The following SLC25A23 variants were observed in gnomAD, a reference collection of about 807,000 sequenced individuals.
SLC25A23 encodes mitochondrial adenyl nucleotide antiporter SLC25A23.
Under a neutral mutation model 53.9 loss-of-function variants are expected in SLC25A23, and 32 were observed. The ratio of observed to expected loss-of-function variants is 0.59; its 90% CI spans 0.45 to 0.80. The LOEUF (loss-of-function observed/expected upper bound fraction) is 0.80, where lower values mean the gene tolerates loss of function less well. Ranked by LOEUF, SLC25A23 falls within the 30% of genes least tolerant of loss-of-function variation. The pLI, the probability that SLC25A23 is intolerant of heterozygous loss-of-function variation, is 0.00. For missense variants in SLC25A23, 575 were observed against 651.4 expected, an observed-to-expected ratio of 0.88 and a Z score of 1.28; for synonymous variants, 275 against 264.5, an observed-to-expected ratio of 1.04 and a Z score of -0.38.
rs970237815 is a variant in SLC25A23, at chr19:6,444,029, A to C, written c.1222+122T>G. 6.5e-6 allele frequency: 7 copies of C among 1,075,154 alleles called. No individual in the cohort carries two copies. The African/African-American group carries it at 1.1e-4, about 17-fold the overall frequency. The allele number at this position is 1,075,154 out of a possible 1,614,324, so 66.6% of individuals were successfully genotyped here. A position where few individuals can be genotyped will look rare whatever the true frequency, so the allele number is the denominator to read the frequency against. On this transcript the variant is annotated intron_variant, in intron 9 of 9. Transcript: ENST00000301454. ...TCCCATTTCAATGTCACAAATGGGG[A>C]AACGGAGGCCCAGAGAAGCCCATCG...
At chr19:6,458,166 T>G (rs377420050) in intron 2 of SLC25A23, 32 bp downstream of exon 2, 2 of 1,610,116 alleles carry the variant, frequency 1.2e-6, no homozygotes, top group Non-Finnish European at 1.7e-6. Flanking sequence ...GCCCTATCCC[T>G]TGGGGCCTGC....
chr19:6,456,048 A>C (rs777996420), intron 4 of SLC25A23: 12 of 1,320,808 alleles, frequency 9.1e-6, no homozygotes, highest in Non-Finnish European at 9.9e-7. Flanking sequence ...GATTCTGTTC[A>C]GCCGTAGAAT....
At chr19:6,451,035 G>A (rs2092580519) in intron 8 of SLC25A23, among the ~76,000 whole-genome samples, 1 of 150,662 alleles carries the variant, frequency 6.6e-6, no homozygotes, top group Non-Finnish European at 1.5e-5. Context: ...CCGAGATCGC[G>A]CCACTGCATT....
At chr19:6,453,320 A>G (rs913963276) in intron 7 of SLC25A23, among the ~76,000 whole-genome samples, 2 of 149,460 alleles carry the variant, frequency 1.3e-5, no homozygotes, top group Non-Finnish European at 3.0e-5. Context: ...GCTCACTGCA[A>G]CCACCGCCTC....
chr19:6,453,892 C>T, intron 7 of SLC25A23, 89 bp downstream of exon 7: 2 of 1,075,108 alleles, frequency 1.9e-6, no homozygotes, highest in Non-Finnish European at 2.7e-6. Flanking sequence ...AGGTAAAATC[C>T]CAATGGATAT....
At chr19:6,455,868 G>A in intron 4 of SLC25A23, 1 of 445,252 alleles carries the variant, frequency 2.2e-6, no homozygotes, top group Non-Finnish European at 3.9e-6. Context: ...ACAGGTGCCT[G>A]CCACTACACC....
In SLC25A23 at chr19:6,459,513, G is replaced by C; in HGVS notation, c.116C>G (p.Ala39Gly). The C allele has an allele frequency of 6.3e-7, 1 of 1,596,180 alleles. No individual in the cohort carries two copies. Among genetic ancestry groups the C allele is most frequent in the African/African-American group, 1.3e-5 (1 of 74,252 alleles). The change falls in exon 1 of 10, where the codon GCC becomes GGC. Residue 39 changes from alanine to glycine, a missense_variant. Ala to Gly is a moderately conservative substitution (Grantham distance 60). Transcript: ENST00000301454. This position sits in a 1 kb window ranked among gnomAD's most constrained non-coding sequence, Gnocchi z 4.6. ...GTCTGGGTTGCCCCCGCCCAGCCTG[G>C]CCAGCCCCTGGCGCAACTCGTGCAC... The part of the protein sequence containing the change: ...VDVHELRQGL[A>G]RLGGGNPDPG...
chr19:6,436,229 C>T (rs1055171248), downstream of SLC25A23: 10 of 286,020 alleles, frequency 3.5e-5, no homozygotes, highest in South Asian at 2.3e-4. Flanking sequence ...CGGCTGTTCC[C>T]GTGATCAGTG....
chr19:6,450,014 C>T (rs2092565225), intron 8 of SLC25A23, among the ~76,000 whole-genome samples: 2 of 151,680 alleles, frequency 1.3e-5, no homozygotes, highest in South Asian at 4.2e-4. Context: ...CCCACCACCA[C>T]GCTCGGCTAA....
intron 9 of SLC25A23, 119 bp downstream of exon 9, chr19:6,444,032 C>T (rs570783683): frequency 9.1e-6 from 10 of 1,102,002 alleles, no homozygotes; most frequent in Middle Eastern, 3.1e-4. Flanking sequence ...AATGGGGAAA[C>T]GGAGGCCCAG....
chr19:6,455,921 A>T, intron 4 of SLC25A23: 2 of 841,002 alleles, frequency 2.4e-6, no homozygotes, highest in African/African-American at 1.8e-5. Flanking sequence ...GGGTTTCACC[A>T]TGTTAGCCAG....
intron 3 of SLC25A23, 73 bp from the exon 4 acceptor site, chr19:6,456,604 G>T: frequency 8.5e-7 from 1 of 1,176,258 alleles, no homozygotes; most frequent in Non-Finnish European, 1.3e-6. Context: ...GTGAAGTTCT[G>T]CTAGGTTTTG....
In SLC25A23 at chr19:6,454,248, G is replaced by A; in HGVS notation, c.795+75C>T. ...ACCTGTGTTCACCACCCACCCCCAA[G>A]CCAATCCCGTAAATCTTTATGTACA... On this transcript the variant is annotated intron_variant, in intron 6 of 9. Coordinates refer to ENST00000301454, the MANE Select transcript of SLC25A23 (RefSeq NM_024103.3). This position sits in a 1 kb window ranked among gnomAD's most constrained non-coding sequence, Gnocchi z 4.3. 1.3e-6 allele frequency: 2 copies of A among 1,554,082 alleles called. No individual in the cohort carries two copies. Among genetic ancestry groups the A allele is most frequent in the African/African-American group, 2.7e-5 (2 of 73,716 alleles).
chr19:6,455,707 G>GTTTTTT (rs529957147), intron 4 of SLC25A23, among the ~76,000 whole-genome samples: 13 of 124,940 alleles, frequency 1.0e-4, no homozygotes, highest in East Asian at 8.4e-4. Context: ...TGAAGACCGT[G>GTTTTTT]TTTTTTTTTT....
At position 6,441,988 on chromosome 19, in the gene SLC25A23, A is replaced by AC; in HGVS notation, c.1393dup (p.Val465GlyfsTer47). The AC allele has an allele frequency of 1.9e-6, 3 of 1,613,552 alleles. No individual in the cohort carries two copies. The highest frequency in any genetic ancestry group is 2.5e-6 in the Non-Finnish European group (3 of 1,179,846). On this transcript the variant is annotated frameshift_variant, in exon 10 of 10. Transcript: ENST00000301454. LOFTEE classifies it high-confidence loss of function. ...GCTCCGGGTCCCTCACCTGGACGTG[A>AC]CCCCCAAGGCCTGCTTCATGTTCTC...
rs1297214784 is a variant in SLC25A23, at chr19:6,459,562, T to C, written c.67A>G (p.Ser23Gly). ...RWGRLFEELD[S>G]NKDGRVDVHE... Reference sequence around the variant, plus strand: ...ACGTCCACGCGGCCATCCTTGTTACTGTCCAGCTCCTCGAACAGGCGACCC... The same window carrying C: ...ACGTCCACGCGGCCATCCTTGTTACCGTCCAGCTCCTCGAACAGGCGACCC... The change falls in exon 1 of 10, where the codon AGT becomes GGT. Residue 23 changes from serine (S) to glycine (G), a missense_variant. Transcript: ENST00000301454. This position sits in a 1 kb window ranked among gnomAD's most constrained non-coding sequence, Gnocchi z 4.6. The C allele has an allele frequency of 1.9e-6, 3 of 1,582,436 alleles. No individual in the cohort carries two copies. The highest frequency in any genetic ancestry group is 1.7e-4 in the Middle Eastern group (1 of 5,990).
chr19:6,439,486 G>A (rs992909055), downstream of SLC25A23, among the ~76,000 whole-genome samples: 5 of 151,566 alleles, frequency 3.3e-5, no homozygotes, highest in Admixed American at 3.3e-4. Flanking sequence ...TGGTCTGGCA[G>A]CCCTAGGAAA....
In SLC25A23 at chr19:6,444,206, G is replaced by A. The variant is rs758374248; in HGVS notation, c.1167C>T (p.Cys389=). ...CCAGCGGGTAACTGGCTATCTGGCC[G>A]CAGGTGCTGGATATGGTACCGCAGG... ...LLACGTISST[C]GQIASYPLAL... is the part of the protein sequence containing the mutation. Residue 389 remains cysteine (C), a synonymous_variant, in exon 9 of 10, where the codon TGC becomes TGT. Coordinates refer to ENST00000301454, the MANE Select transcript of SLC25A23 (RefSeq NM_024103.3). 55 of 1,601,844 alleles carry A rather than the reference G, an allele frequency of 3.4e-5. No homozygotes were observed. Among genetic ancestry groups the A allele is most frequent in the Non-Finnish European group, 4.2e-5 (49 of 1,174,804 alleles).
rs548433262 is a variant in SLC25A23 at position 6,456,886 on chromosome 19, G to T, written c.372-355C>A. ...GTAGAGACAGGGTTTCACCATATTGGCCAGGATGGTCTCCATCTCTTGACC... is the reference window on the plus strand; with the variant it reads ...GTAGAGACAGGGTTTCACCATATTGTCCAGGATGGTCTCCATCTCTTGACC... On this transcript the variant is annotated intron_variant, in intron 3 of 9. Transcript: ENST00000301454. 1.7e-4 allele frequency among the ~76,000 whole-genome samples: 26 copies of T among 151,846 alleles called. 1 individual carries two copies. The South Asian group carries it at 1.9e-3, about 11-fold the overall frequency.
Sources: allele counts gnomAD v4.1 joint callset (sites outside exome capture counted in the v4.1 genomes callset), GRCh38; gene constraint gnomAD v4.1.1; non-coding constraint Gnocchi (gnomAD v3.1); transcripts MANE v1.5; gene names NCBI Gene and HGNC (gene_info 2026-07-23, HGNC 2026-07-21).